Variants in STXBP5L observed in about 807,000 individuals in gnomAD.
The protein encoded by STXBP5L is syntaxin-binding protein 5-like.
In STXBP5L, 65 loss-of-function variants were observed where a neutral mutation model predicts 144.5. That is an observed-to-expected ratio of 0.45 (90% confidence interval 0.37 to 0.55). The LOEUF is 0.55. Ranked by LOEUF, STXBP5L falls within the 20% of genes least tolerant of loss-of-function variation. The pLI is 0.00. For missense variants in STXBP5L, 1,298 were observed against 1,405.5 expected, an observed-to-expected ratio of 0.92 and a Z score of 1.22; for synonymous variants, 505 against 469.6, an observed-to-expected ratio of 1.08 and a Z score of -0.97.
chr3:121,010,167 G>T (rs1468175329), intron 3 of STXBP5L, among the ~76,000 whole-genome samples: 1 of 151,844 alleles, frequency 6.6e-6, no homozygotes, highest in African/African-American at 2.4e-5. Flanking sequence ...AAGTCTCCAA[G>T]TTCAACAGTC....
chr3:121,292,541 A>ATC, intron 19 of STXBP5L, among the ~76,000 whole-genome samples: 1 of 152,324 alleles, frequency 6.6e-6, no homozygotes, highest in African/African-American at 2.4e-5. Flanking sequence ...ACCACTGGGT[A>ATC]TCTACCCAGA....
chr3:121,127,684 A>G (rs957890406), intron 7 of STXBP5L, among the ~76,000 whole-genome samples: 2 of 151,834 alleles, frequency 1.3e-5, no homozygotes, highest in African/African-American at 4.8e-5. Context: ...TCTATTTCTG[A>G]ATAAAGTCAC....
chr3:121,085,514 G>T (rs559612235), intron 5 of STXBP5L, among the ~76,000 whole-genome samples: 39 of 152,100 alleles, frequency 2.6e-4, no homozygotes, highest in Admixed American at 5.9e-4. Flanking sequence ...AAATCACAGG[G>T]ATTCATATAC....
intron 3 of STXBP5L, among the ~76,000 whole-genome samples, chr3:120,955,997 A>G (rs1050654945): frequency 6.6e-5 from 10 of 152,008 alleles, no homozygotes; most frequent in African/African-American, 2.2e-4. Flanking sequence ...GAATTGGATA[A>G]TATTCCATGG....
chr3:121,051,366 C>T (rs1316410912), intron 5 of STXBP5L, among the ~76,000 whole-genome samples: 1 of 152,216 alleles, frequency 6.6e-6, no homozygotes, highest in East Asian at 1.9e-4. Context: ...TGTAAAAGAA[C>T]AGAAATTATA....
chr3:121,119,468 G>A (rs1335301411), intron 6 of STXBP5L, among the ~76,000 whole-genome samples: 1 of 151,314 alleles, frequency 6.6e-6, no homozygotes, highest in Non-Finnish European at 1.5e-5. Context: ...GCCCATAATG[G>A]AAACTAATAT....
chr3:121,014,584 T>G (rs1471787437), intron 3 of STXBP5L, among the ~76,000 whole-genome samples: 1 of 150,704 alleles, frequency 6.6e-6, no homozygotes, highest in Non-Finnish European at 1.5e-5. Context: ...TTTTTCTATC[T>G]TTTGGCTATT....
intron 5 of STXBP5L, among the ~76,000 whole-genome samples, chr3:121,067,561 G>T (rs1404450977): frequency 6.6e-6 from 1 of 152,090 alleles, no homozygotes. Context: ...TTTAGTAAAT[G>T]TGCACAAACT....
chr3:121,090,785 TTTA>T (rs1256657076), intron 5 of STXBP5L, among the ~76,000 whole-genome samples: 4 of 152,134 alleles, frequency 2.6e-5, no homozygotes, highest in Admixed American at 2.0e-4. Context: ...TTTTTATTTT[TTTA>T]TTATTATACT....
At chr3:121,013,615 G>C (rs959719526) in intron 3 of STXBP5L, among the ~76,000 whole-genome samples, 1 of 151,900 alleles carries the variant, frequency 6.6e-6, no homozygotes, top group Non-Finnish European at 1.5e-5. Context: ...CCATTCTGTA[G>C]GTCATTTGTT....
chr3:121,187,048 G>C (rs1029038157), intron 9 of STXBP5L, among the ~76,000 whole-genome samples: 12 of 152,114 alleles, frequency 7.9e-5, no homozygotes, highest in African/African-American at 2.9e-4. Flanking sequence ...ATTTGACCCA[G>C]CCATCCCATT....
intron 3 of STXBP5L, among the ~76,000 whole-genome samples, chr3:120,987,081 G>C (rs1942359702): frequency 2.6e-5 from 4 of 151,930 alleles, no homozygotes; most frequent in Admixed American, 1.3e-4. Context: ...AAGCATCCAA[G>C]ATGCTCAACA....
chr3:121,345,152 C>T (rs920982253), intron 20 of STXBP5L, among the ~76,000 whole-genome samples: 1 of 151,964 alleles, frequency 6.6e-6, no homozygotes, highest in African/African-American at 2.4e-5. Flanking sequence ...AATGCTATCC[C>T]TCCCGCAGCC....
At chr3:121,347,109 C>G (rs2045025205) in intron 20 of STXBP5L, among the ~76,000 whole-genome samples, 1 of 152,080 alleles carries the variant, frequency 6.6e-6, no homozygotes, top group Non-Finnish European at 1.5e-5. Flanking sequence ...GTCTTTAATC[C>G]ATCTTGAATT....
chr3:121,413,378 G>A, intron 24 of STXBP5L, 55 bp downstream of exon 24: 1 of 1,430,782 alleles, frequency 7.0e-7, no homozygotes, highest in East Asian at 2.5e-5. Context: ...GAGAGAATGA[G>A]AAAGATGTCT....
intron 20 of STXBP5L, among the ~76,000 whole-genome samples, chr3:121,349,962 A>G (rs761686708): frequency 2.0e-5 from 3 of 152,082 alleles, no homozygotes; most frequent in Non-Finnish European, 4.4e-5. Context: ...ATTTACATTT[A>G]AGGTTAATAT....
intron 9 of STXBP5L, among the ~76,000 whole-genome samples, chr3:121,188,416 C>T: frequency 6.6e-6 from 1 of 151,948 alleles, no homozygotes; most frequent in African/African-American, 2.4e-5. Flanking sequence ...GGAAACTGAA[C>T]AACCTGCTCC....
At chr3:120,978,468 A>T (rs1941351034) in intron 3 of STXBP5L, among the ~76,000 whole-genome samples, 1 of 152,096 alleles carries the variant, frequency 6.6e-6, no homozygotes. Context: ...CAAGGTTTTT[A>T]ACTTCTTTGC....
At chr3:121,050,920 G>A (rs1947926611) in intron 5 of STXBP5L, among the ~76,000 whole-genome samples, 1 of 152,078 alleles carries the variant, frequency 6.6e-6, no homozygotes, top group Non-Finnish European at 1.5e-5. Flanking sequence ...ACAAAAAAAA[G>A]CAGGGGTTGC....
Sources: allele counts gnomAD v4.1 joint callset (sites outside exome capture counted in the v4.1 genomes callset), GRCh38; gene constraint gnomAD v4.1.1; transcripts MANE v1.5; gene names NCBI Gene and HGNC (gene_info 2026-07-23, HGNC 2026-07-21).